CAST: variants seen among roughly 807,000 people sequenced by gnomAD.
The protein encoded by CAST is MIR583 host.
A neutral mutation model predicts 119.6 loss-of-function variants in CAST; 76 were observed. The ratio of observed to expected loss-of-function variants is 0.64; its 90% CI spans 0.53 to 0.77. The LOEUF (loss-of-function observed/expected upper bound fraction) is 0.77. Among genes scored for constraint, CAST ranks in the 30% least tolerant of loss-of-function variants. The pLI, the probability that CAST is intolerant of heterozygous loss-of-function variation, is 0.00. For missense variants in CAST, 953 were observed against 946.5 expected (o/e 1.01, Z -0.09); for synonymous variants, 319 against 331.6 (o/e 0.96, Z 0.41).
chr5:96,252,599 G>A, the CAST span, among the ~76,000 whole-genome samples: 29 of 152,198 alleles, frequency 1.9e-4, no homozygotes, highest in African/African-American at 1.7e-4. Flanking sequence ...TAAGCAACCC[G>A]TTTGGATTGC....
chr5:96,733,196 C>A (rs1470195675), intron 9 of CAST, among the ~76,000 whole-genome samples: 1 of 152,080 alleles, frequency 6.6e-6, no homozygotes, highest in African/African-American at 2.4e-5. Context: ...TGCAATAGAT[C>A]ACTTGTATAC....
rs1351190721 is a variant in CAST at position 96,741,540 on chromosome 5, G to A, written c.1058G>A (p.Ser353Asn). 2 of 1,613,696 alleles carry A rather than the reference G, an allele frequency of 1.2e-6. No individual in the cohort carries two copies. The highest frequency in any genetic ancestry group is 1.7e-6 in the Non-Finnish European group (2 of 1,179,720). Residue 353 changes from serine (S) to asparagine (N), a missense_variant, in exon 15 of 32, where the codon AGT (serine) becomes AAT (asparagine). By Grantham distance (46) the Ser-to-Asn change is conservative. Coordinates refer to ENST00000675179, the MANE Select transcript of CAST (RefSeq NM_001750.7). The part of the protein sequence containing the change: ...LKAQSAGTVR[S>N]AAPPQEKKRK... ...GCTCAGTCAGCAGGGACAGTCAGAA[G>A]TGCTGCTCCACCCCAAGAGAAGAAA...
the CAST span, among the ~76,000 whole-genome samples, chr5:96,366,297 TTA>T: frequency 6.6e-6 from 1 of 152,180 alleles, no homozygotes; most frequent in Non-Finnish European, 1.5e-5. Flanking sequence ...AATCTGACGA[TTA>T]TATGTCTTGG....
intron 4 of CAST, among the ~76,000 whole-genome samples, chr5:96,724,736 T>C (rs1456767135): frequency 1.3e-5 from 2 of 151,992 alleles, no homozygotes; most frequent in East Asian, 1.9e-4. Context: ...GGCAGGAGGA[T>C]GGCTTGAGCC....
chr5:96,273,744 C>T, the CAST span, among the ~76,000 whole-genome samples: 1 of 152,172 alleles, frequency 6.6e-6, no homozygotes, highest in African/African-American at 2.4e-5. Flanking sequence ...AATTTCTTTA[C>T]ACTCTTTCAT....
At chr5:96,368,367 A>G in the CAST span, among the ~76,000 whole-genome samples, 140,433 of 151,844 alleles carry the variant, frequency 0.92, 65,173 homozygotes, top group African/African-American at 0.98. Flanking sequence ...GGGCATGGTG[A>G]CACATGCCTG....
chr5:96,618,629 G>A (rs1317531779), intron 1 of CAST, among the ~76,000 whole-genome samples: 1 of 152,228 alleles, frequency 6.6e-6, no homozygotes, highest in Non-Finnish European at 1.5e-5. Context: ...CCCAGGCAGT[G>A]AGGGGCTTAG....
intron 1 of CAST, among the ~76,000 whole-genome samples, chr5:96,664,400 AATATAT>A (rs10587366): frequency 3.3e-5 from 5 of 150,152 alleles, no homozygotes; most frequent in Non-Finnish European, 7.4e-5. Context: ...TATATGTGTA[AATATAT>A]ATATATATGC....
the CAST span, among the ~76,000 whole-genome samples, chr5:96,201,806 A>T: frequency 6.6e-6 from 1 of 151,950 alleles, no homozygotes; most frequent in Non-Finnish European, 1.5e-5. Context: ...CCCCCAATCT[A>T]CTGTCCTGTC....
At chr5:96,400,612 C>T in the CAST span, among the ~76,000 whole-genome samples, 5 of 152,240 alleles carry the variant, frequency 3.3e-5, no homozygotes, top group Non-Finnish European at 7.3e-5. Flanking sequence ...GAGGCCTTGA[C>T]TTCCTTCTTA....
chr5:96,194,217 C>T, the CAST span, among the ~76,000 whole-genome samples: 4 of 152,168 alleles, frequency 2.6e-5, no homozygotes, highest in Non-Finnish European at 5.9e-5. Flanking sequence ...AGAAGAGACA[C>T]ACTGAGTAAA....
the CAST span, among the ~76,000 whole-genome samples, chr5:96,439,148 A>G: frequency 3.3e-5 from 5 of 152,204 alleles, no homozygotes; most frequent in East Asian, 3.8e-4. Flanking sequence ...ACTTCAACTT[A>G]TCAAGTAACG....
chr5:96,472,628 A>C, the CAST span, among the ~76,000 whole-genome samples: 1 of 152,324 alleles, frequency 6.6e-6, no homozygotes, highest in Non-Finnish European at 1.5e-5. Context: ...GCAAGAAGGC[A>C]GCCAATTGTT....
chr5:96,057,479 C>T, the CAST span, among the ~76,000 whole-genome samples: 2 of 152,252 alleles, frequency 1.3e-5, no homozygotes, highest in Non-Finnish European at 2.9e-5. Flanking sequence ...TTTTCCTTTC[C>T]GGAGTAATCA....
chr5:96,149,512 T>C, the CAST span, among the ~76,000 whole-genome samples: 2 of 152,210 alleles, frequency 1.3e-5, no homozygotes, highest in African/African-American at 4.8e-5. Context: ...CTCATTGAAA[T>C]GCAGTGGTGC....
At chr5:96,480,359 A>G in the CAST span, among the ~76,000 whole-genome samples, 2 of 152,176 alleles carry the variant, frequency 1.3e-5, no homozygotes, top group African/African-American at 4.8e-5. Context: ...ATTATTATGA[A>G]TAAGGAACAT....
chr5:96,606,820 G>C (rs1747265074), intron 1 of CAST, among the ~76,000 whole-genome samples: 1 of 152,154 alleles, frequency 6.6e-6, no homozygotes, highest in African/African-American at 2.4e-5. Flanking sequence ...GTGGTTCTTA[G>C]GGTGTAGTCC....
chr5:96,725,034 T>C (rs11745122), intron 4 of CAST, among the ~76,000 whole-genome samples: 14,279 of 152,160 alleles, frequency 0.094, 877 homozygotes, highest in Middle Eastern at 0.16. Flanking sequence ...CTAGAACAAA[T>C]GTCAGCAAAC....
At chr5:96,280,397 G>A in the CAST span, among the ~76,000 whole-genome samples, 1 of 152,194 alleles carries the variant, frequency 6.6e-6, no homozygotes, top group Admixed American at 6.5e-5. Context: ...TGAGTAAGAA[G>A]AGAACAATGA....
Sources: allele counts gnomAD v4.1 joint callset (sites outside exome capture counted in the v4.1 genomes callset), GRCh38; gene constraint gnomAD v4.1.1; transcripts MANE v1.5; gene names NCBI Gene and HGNC (gene_info 2026-07-23, HGNC 2026-07-21).